Variants in ITGB2 observed in about 807,000 individuals in gnomAD.
ITGB2 encodes the protein integrin subunit beta 2.
In ITGB2, 56 loss-of-function variants were observed where a neutral mutation model predicts 86.8. The observed-to-expected ratio is 0.65, with a 90% CI of 0.52 to 0.81. The LOEUF (loss-of-function observed/expected upper bound fraction) is 0.81. Among genes scored for constraint, ITGB2 ranks in the 30% least tolerant of loss-of-function variants. The pLI is 0.00. For missense variants in ITGB2, 948 were observed against 1,061.2 expected (o/e 0.89, Z 1.48); for synonymous variants, 457 against 450.4 (o/e 1.01, Z -0.19).
Position 44,888,803 on chromosome 21 carries a change from A to T in ITGB2, c.1970T>A (p.Val657Glu). The change falls in exon 14 of 16, where the codon GTG becomes GAG. Residue 657 changes from valine to glutamate, a missense_variant. Coordinates refer to ENST00000652462, the MANE Select transcript of ITGB2 (RefSeq NM_000211.5). ...CCTCTCCTTGCAGGTCCTGCCCTTC[A>T]CGGGGTTGTTCGACAGCTGCAGGCC... is the stretch of plus-strand genomic sequence containing the variant. ...CPGLQLSNNPVKGRTCKERDS... is the reference protein window; with the variant it reads ...CPGLQLSNNPEKGRTCKERDS... The T allele has an allele frequency of 1.2e-6, 2 of 1,611,788 alleles. No individual in the cohort carries two copies. The highest frequency in any genetic ancestry group is 1.7e-6 in the Non-Finnish European group (2 of 1,179,946).
upstream of ITGB2, among the ~76,000 whole-genome samples, chr21:44,922,326 C>T (rs2084317102): frequency 6.6e-6 from 1 of 151,846 alleles, no homozygotes; most frequent in African/African-American, 2.4e-5. Flanking sequence ...TCAAGAGTCT[C>T]CTTAAGAATA....
At chr21:44,889,193 G>A (rs2083746778) in intron 13 of ITGB2, 83 bp downstream of exon 13, 2 of 1,375,140 alleles carry the variant, frequency 1.5e-6, no homozygotes, top group African/African-American at 1.4e-5. Context: ...TGCTCACTGG[G>A]GTCCCCGAGT....
chr21:44,918,404 C>T (rs1352284693), intron 1 of ITGB2, among the ~76,000 whole-genome samples: 1 of 152,246 alleles, frequency 6.6e-6, no homozygotes, highest in African/African-American at 2.4e-5. Context: ...CGGCCTGGGC[C>T]AGAGTGGACA....
intron 1 of ITGB2, among the ~76,000 whole-genome samples, chr21:44,912,166 C>T (rs1013154621): frequency 2.6e-5 from 4 of 152,220 alleles, no homozygotes; most frequent in Non-Finnish European, 5.9e-5. Context: ...TCCTGCCCCA[C>T]ACCCTTCCCT....
At chr21:44,901,184 C>T (rs902058302) in intron 6 of ITGB2, among the ~76,000 whole-genome samples, 5 of 152,232 alleles carry the variant, frequency 3.3e-5, no homozygotes, top group African/African-American at 4.8e-5. Context: ...TGCTGCCTAG[C>T]GGCCCTGTTC....
At chr21:44,899,530 C>A (rs140325359) in intron 7 of ITGB2, among the ~76,000 whole-genome samples, 1 of 149,188 alleles carries the variant, frequency 6.7e-6, no homozygotes, top group Non-Finnish European at 1.5e-5. Context: ...TCTCCCTACC[C>A]GAGTTCCGGG....
chr21:44,901,343 A>AT, intron 6 of ITGB2, 149 bp downstream of exon 6: 1 of 966,260 alleles, frequency 1.0e-6, no homozygotes, highest in Non-Finnish European at 1.5e-6. Flanking sequence ...CATGGGCAGC[A>AT]GCAGGGTGAG....
At chr21:44,905,028 C>A (rs183980819) in intron 4 of ITGB2, among the ~76,000 whole-genome samples, 1 of 152,210 alleles carries the variant, frequency 6.6e-6, no homozygotes, top group Admixed American at 6.5e-5. Flanking sequence ...GGGGGCCGTG[C>A]GGCGTCTGCA....
At chr21:44,911,101 C>A (rs763590136) in intron 1 of ITGB2, 2 of 479,484 alleles carry the variant, frequency 4.2e-6, no homozygotes, top group African/African-American at 2.0e-5. Flanking sequence ...CACACATGCA[C>A]GTGTACGTGC....
At chr21:44,920,536 T>A (rs1272854230) in intron 1 of ITGB2, among the ~76,000 whole-genome samples, 2 of 152,076 alleles carry the variant, frequency 1.3e-5, no homozygotes, top group African/African-American at 4.8e-5. Flanking sequence ...GGGCCCAGCC[T>A]CTTCCTGGCC....
chr21:44,914,932 C>CA (rs11380568), intron 1 of ITGB2, among the ~76,000 whole-genome samples: 57,428 of 146,482 alleles, frequency 0.39, 11,587 homozygotes, highest in Admixed American at 0.53. Context: ...GGCCCTGTCT[C>CA]AAAAAAAAAA....
chr21:44,895,693 T>C (rs1039382172), intron 8 of ITGB2, among the ~76,000 whole-genome samples: 1 of 150,328 alleles, frequency 6.7e-6, no homozygotes, highest in African/African-American at 2.5e-5. Context: ...ATACAAAAAT[T>C]AGCTGGGCGT....
chr21:44,919,074 C>T (rs1228944288), intron 1 of ITGB2, among the ~76,000 whole-genome samples: 1 of 96,794 alleles, frequency 1.0e-5, no homozygotes, highest in Non-Finnish European at 2.0e-5. Context: ...AACTCATACG[C>T]TGAGCGGCAG....
intron 2 of ITGB2, 57 bp from the exon 3 acceptor site, chr21:44,910,429 A>T: frequency 1.2e-6 from 2 of 1,612,298 alleles, no homozygotes; most frequent in Non-Finnish European, 1.7e-6. Context: ...CCCACACCCA[A>T]GGGGGAGTAG....
intron 3 of ITGB2, 87 bp from the exon 4 acceptor site, chr21:44,907,182 CCTGTCCCCTCCTCCT>C: frequency 6.4e-6 from 6 of 932,472 alleles, no homozygotes; most frequent in Non-Finnish European, 8.1e-6. Flanking sequence ...GAGGACCCAC[CCTGTCCCCTCCTCCT>C]CTGCGCCTGG....
rs756201704 is a variant in ITGB2 at position 44,903,530 on chromosome 21, C to G, written c.334G>C (p.Ala112Pro). Residue 112 changes from alanine (A) to proline (P), a missense_variant, in exon 5 of 16, where the codon GCA (alanine) becomes CCA (proline). By Grantham distance (27) the Ala-to-Pro change is conservative (BLOSUM62 -1). Coordinates refer to ENST00000652462, the MANE Select transcript of ITGB2 (RefSeq NM_000211.5). ...CGGAAGGTCACGTTGAACGCTGCTG[C>G]CTGGCCTGCCGGTGGGGACAGAACA... ...KVTLYLRPGQ[A>P]AAFNVTFRRA... 2.5e-6 allele frequency: 4 copies of G among 1,613,968 alleles called. No individual in the cohort carries two copies. The East Asian group carries it at 8.9e-5, about 36-fold the overall frequency.
chr21:44,912,103 C>A (rs912361437), intron 1 of ITGB2, among the ~76,000 whole-genome samples: 1 of 152,216 alleles, frequency 6.6e-6, no homozygotes, highest in African/African-American at 2.4e-5. Context: ...GATCAACACA[C>A]CTCCTCCAGC....
intron 7 of ITGB2, among the ~76,000 whole-genome samples, chr21:44,899,431 G>A (rs537666715): frequency 6.6e-6 from 1 of 152,354 alleles, no homozygotes; most frequent in Admixed American, 6.5e-5. Context: ...GTCCACGGGG[G>A]CAGAATCCCA....
At chr21:44,904,013 C>T (rs1487108587) in intron 4 of ITGB2, among the ~76,000 whole-genome samples, 3 of 152,322 alleles carry the variant, frequency 2.0e-5, no homozygotes, top group African/African-American at 2.4e-5. Flanking sequence ...GACTTCCGCT[C>T]GCCCGCGTCT....
Sources: allele counts gnomAD v4.1 joint callset (sites outside exome capture counted in the v4.1 genomes callset), GRCh38; gene constraint gnomAD v4.1.1; transcripts MANE v1.5; gene names NCBI Gene and HGNC (gene_info 2026-07-23, HGNC 2026-07-21).